CBFA2T3: variants seen among roughly 807,000 people sequenced by gnomAD.
The protein encoded by CBFA2T3 is CBFA2/RUNX1 partner transcriptional co-repressor 3, also known as transcriptional corepressor CBFA2T3.
In CBFA2T3, 31 loss-of-function variants were observed where a neutral mutation model predicts 58.6. That is an observed-to-expected ratio of 0.53 (90% confidence interval 0.40 to 0.71). The LOEUF is 0.71. Among genes scored for constraint, CBFA2T3 ranks in the 30% least tolerant of loss-of-function variants. The pLI, the probability that CBFA2T3 is intolerant of heterozygous loss-of-function variation, is 0.00. For synonymous variants in CBFA2T3, 531 were observed against 421.9 expected, an observed-to-expected ratio of 1.26 and a Z score of -3.17; for missense variants, 1,076 against 963.1, an observed-to-expected ratio of 1.12 and a Z score of -1.55.
intron 7 of CBFA2T3, 106 bp from the exon 8 acceptor site, chr16:88,882,867 C>T (rs959832092): frequency 5.5e-5 from 43 of 776,298 alleles, no homozygotes; most frequent in South Asian, 3.9e-4. Flanking sequence ...GGGCTGTGCC[C>T]GCTGGGGACG....
At chr16:88,927,702 C>A (rs892944545) in intron 1 of CBFA2T3, among the ~76,000 whole-genome samples, 4 of 152,130 alleles carry the variant, frequency 2.6e-5, no homozygotes, top group African/African-American at 9.7e-5. Flanking sequence ...TGGGATGATC[C>A]CCCTTCCGCC....
Position 88,874,858 on chromosome 16 carries a change from T to C in CBFA2T3, c.*2118A>G, listed in dbSNP as rs1968771435. ...CTGTTTCCTACACTTCGCAAACTCC[T>C]GCGGTTTCTGTTTTTTATTTGGCAA... On this transcript the variant is annotated 3_prime_UTR_variant, in exon 12 of 12. Transcript: ENST00000268679. The C allele has an allele frequency of 4.4e-6, 1 of 228,486 alleles. No homozygotes were observed. The highest frequency in any genetic ancestry group is 8.7e-6 in the Non-Finnish European group (1 of 114,892). The allele number at this position is 228,486 out of a possible 1,614,324, so 14.2% of individuals were successfully genotyped here. A position where few individuals can be genotyped will look rare whatever the true frequency, so the allele number is the denominator to read the frequency against.
chr16:88,967,369 G>A (rs759132654), intron 1 of CBFA2T3, among the ~76,000 whole-genome samples: 3 of 152,168 alleles, frequency 2.0e-5, no homozygotes, highest in East Asian at 1.9e-4. Context: ...GCCTGGGAGC[G>A]ACGGGGACGG....
chr16:88,968,651 C>T (rs368041783), intron 1 of CBFA2T3, among the ~76,000 whole-genome samples: 8 of 152,364 alleles, frequency 5.3e-5, no homozygotes, highest in Middle Eastern at 3.4e-3. Flanking sequence ...GTCCGTCCCC[C>T]GCCTGTCAGT....
At chr16:88,901,743 C>T in intron 1 of CBFA2T3, 87 bp from the exon 2 acceptor site, 2 of 1,242,046 alleles carry the variant, frequency 1.6e-6, no homozygotes, top group Non-Finnish European at 2.1e-6. Flanking sequence ...CAGCGAAGGC[C>T]CCACTGAGTG....
chr16:88,893,365 G>C (rs913388395), intron 3 of CBFA2T3, among the ~76,000 whole-genome samples: 1 of 150,988 alleles, frequency 6.6e-6, no homozygotes, highest in Non-Finnish European at 1.5e-5. Context: ...TTCCAGCAGA[G>C]CAATGTCCCT....
At chr16:88,960,627 G>T (rs924364767) in intron 1 of CBFA2T3, among the ~76,000 whole-genome samples, 20 of 152,248 alleles carry the variant, frequency 1.3e-4, no homozygotes, top group African/African-American at 4.6e-4. Context: ...CATGATGCCT[G>T]GAGCAGGGGC....
At position 88,876,998 on chromosome 16, in the gene CBFA2T3, G is replaced by A; in HGVS notation, c.1940C>T (p.Pro647Leu). ...SRPGSPSPPG[P>L]LDTVPR Reference sequence around the variant, plus strand: ...GGGTCAGCGGGGCACGGTGTCCAGTGGGCCAGGTGGGCTGGGGGAGCCGGG... The same window carrying A: ...GGGTCAGCGGGGCACGGTGTCCAGTAGGCCAGGTGGGCTGGGGGAGCCGGG... The change falls in exon 12 of 12, where the codon CCA becomes CTA. Residue 647 changes from proline (P) to leucine (L), a missense_variant. Coordinates refer to ENST00000268679, the MANE Select transcript of CBFA2T3 (RefSeq NM_005187.6). The A allele has an allele frequency of 2.0e-6, 3 of 1,463,596 alleles. No homozygotes were observed. The highest frequency in any genetic ancestry group is 1.8e-6 in the Non-Finnish European group (2 of 1,113,278). 90.7% of individuals were successfully genotyped at this position (1,463,596 alleles called of 1,614,324 possible).
intron 1 of CBFA2T3, chr16:88,940,880 T>A (rs562854436): frequency 8.0e-6 from 2 of 250,402 alleles, no homozygotes; most frequent in African/African-American, 4.6e-5. Context: ...GCTGGGCGGG[T>A]TGGCTCCACC....
intron 1 of CBFA2T3, among the ~76,000 whole-genome samples, chr16:88,965,748 C>T (rs1237976080): frequency 2.6e-5 from 4 of 152,208 alleles, no homozygotes; most frequent in African/African-American, 4.8e-5. Context: ...CTGCCAAAAA[C>T]GAAGCAGCAT....
In CBFA2T3 at chr16:88,892,295, G is replaced by A. The variant is rs200075611; in HGVS notation, c.570C>T (p.Asp190=). Residue 190 remains aspartate, a synonymous_variant, in exon 4 of 12, where the codon GAC becomes GAT. Transcript: ENST00000268679. ...FLTTLQQFGS[D]ISPEIGERVR... is the part of the protein sequence containing the mutation. ...CGCGCTCCCCAATCTCTGGGGAGATGTCGCTGCCAAACTGCTGCAGTGTGG... is the reference window on the plus strand; with the variant it reads ...CGCGCTCCCCAATCTCTGGGGAGATATCGCTGCCAAACTGCTGCAGTGTGG... The A allele has an allele frequency of 1.6e-5, 25 of 1,612,700 alleles. No homozygotes were observed. The East Asian group carries it at 2.0e-4, about 13-fold the overall frequency.
chr16:88,975,282 C>T (rs1972826022), intron 1 of CBFA2T3, among the ~76,000 whole-genome samples: 1 of 139,930 alleles, frequency 7.1e-6, no homozygotes, highest in African/African-American at 2.6e-5. Context: ...AGCCAGCAGC[C>T]CCTCGCATGA....
intron 3 of CBFA2T3, among the ~76,000 whole-genome samples, chr16:88,897,067 G>GT (rs1167464917): frequency 6.6e-6 from 1 of 152,250 alleles, no homozygotes; most frequent in African/African-American, 2.4e-5. Flanking sequence ...CAGAGCCTTG[G>GT]TGGGGGGGTC....
chr16:88,887,867 G>C (rs1456599339), intron 5 of CBFA2T3, among the ~76,000 whole-genome samples: 1 of 152,140 alleles, frequency 6.6e-6, no homozygotes, highest in African/African-American at 2.4e-5. Context: ...CTGGGGAACT[G>C]GTGTTTGCAA....
At chr16:88,889,470 CT>C (rs1567582871) in intron 5 of CBFA2T3, among the ~76,000 whole-genome samples, 2 of 151,712 alleles carry the variant, frequency 1.3e-5, no homozygotes, top group Non-Finnish European at 2.9e-5. Flanking sequence ...TGGGGAGGGA[CT>C]GAGGGGAATG....
intron 1 of CBFA2T3, among the ~76,000 whole-genome samples, chr16:88,974,652 G>A (rs939858520): frequency 6.6e-6 from 1 of 152,164 alleles, no homozygotes; most frequent in African/African-American, 2.4e-5. Context: ...AAAGCCAATC[G>A]GCCTGTTTTC....
At chr16:88,948,165 G>C (rs1477698730) in intron 1 of CBFA2T3, among the ~76,000 whole-genome samples, 3 of 152,216 alleles carry the variant, frequency 2.0e-5, no homozygotes, top group African/African-American at 7.2e-5. Context: ...CCTTCTGAGA[G>C]TCAGATGCCG....
rs753879718 is a variant in CBFA2T3, at chr16:88,877,087, C to T, written c.1851G>A (p.Leu617=). ...CAGCACCCACAGGCAGGGAGGGGCC[C>T]AGGCTGTGGGCGGCTTCGGGCGGTC... ...VPGPPEAAHS[L]GPSLPVGAAS... is the part of the protein sequence containing the mutation. Residue 617 remains leucine, a synonymous_variant, in exon 12 of 12, where the codon CTG becomes CTA. Coordinates refer to ENST00000268679, the MANE Select transcript of CBFA2T3 (RefSeq NM_005187.6). 29 of 1,540,392 alleles carry T rather than the reference C, an allele frequency of 1.9e-5. No individual in the cohort carries two copies. In the South Asian group the frequency reaches 3.3e-4, roughly 18 times the overall value.
rs904749744 is a variant in CBFA2T3 at position 88,905,800 on chromosome 16, G to A, written c.152-4144C>T. On this transcript the variant is annotated intron_variant, in intron 1 of 11. Coordinates refer to ENST00000268679, the MANE Select transcript of CBFA2T3 (RefSeq NM_005187.6). ...GGGGCGGGGCTGAGAGCTAGTCTGCGGCAGGTGGGAGGGGCTGGGCTGCCC... is the reference window on the plus strand; with the variant it reads ...GGGGCGGGGCTGAGAGCTAGTCTGCAGCAGGTGGGAGGGGCTGGGCTGCCC... Among the ~76,000 whole-genome samples, 34 of 151,290 alleles carry A rather than the reference G, an allele frequency of 2.2e-4. 1 individual carries two copies. The highest frequency in any genetic ancestry group is 1.1e-3 in the Admixed American group (16 of 15,216).
Sources: gnomAD v4.1 joint callset for allele counts (sites outside exome capture counted in the v4.1 genomes callset) on GRCh38, gnomAD v4.1.1 for gene constraint, MANE v1.5 for transcripts, NCBI Gene and HGNC (gene_info 2026-07-23, HGNC 2026-07-21) for gene names.